TAPT1: variants seen among roughly 807,000 people sequenced by gnomAD.
TAPT1 encodes the protein transmembrane anterior posterior transformation 1.
Under a neutral mutation model 65.6 loss-of-function variants are expected in TAPT1, and 28 were observed. The observed-to-expected ratio is 0.43, with a 90% CI of 0.32 to 0.59. The LOEUF is 0.59. Among genes scored for constraint, TAPT1 ranks in the 20% least tolerant of loss-of-function variants. The probability of loss-of-function intolerance (pLI) is 0.09; values close to 1 mark genes in which losing one functional copy is unlikely to be tolerated. For synonymous variants in TAPT1, 278 were observed against 245.2 expected (o/e 1.13, Z -1.25); for missense variants, 563 against 679.9 (o/e 0.83, Z 1.91).
At chr4:16,166,818 A>G (rs747995834) in intron 12 of TAPT1, 25 bp from the exon 13 acceptor site, 47 of 1,609,940 alleles carry the variant, frequency 2.9e-5, no homozygotes, top group Non-Finnish European at 4.0e-5. Flanking sequence ...AAAACAAACC[A>G]CATCCGTTGG....
At chr4:16,184,973 T>A (rs1319067638) in intron 7 of TAPT1, among the ~76,000 whole-genome samples, 1 of 152,182 alleles carries the variant, frequency 6.6e-6, no homozygotes, top group Non-Finnish European at 1.5e-5. Context: ...TTTGAAGAAG[T>A]CCAGTTTCTC....
At chr4:16,223,284 C>G (rs73798883) in intron 1 of TAPT1, among the ~76,000 whole-genome samples, 23,601 of 152,170 alleles carry the variant, frequency 0.16, 3,430 homozygotes, top group African/African-American at 0.39. Flanking sequence ...ACTCTCCTAC[C>G]TAGGACTTCT....
intron 2 of TAPT1, among the ~76,000 whole-genome samples, chr4:16,212,735 T>C (rs1750718185): frequency 6.6e-6 from 1 of 152,254 alleles, no homozygotes; most frequent in African/African-American, 2.4e-5. Flanking sequence ...TGTTCTCTAA[T>C]CTTTGCTTGC....
At chr4:16,167,167 A>G (rs1159805073) in intron 12 of TAPT1, among the ~76,000 whole-genome samples, 1 of 151,720 alleles carries the variant, frequency 6.6e-6, no homozygotes, top group African/African-American at 2.4e-5. Flanking sequence ...CTATTTTTGT[A>G]TTTTTAGTAG....
intron 8 of TAPT1, 185 bp from the exon 9 acceptor site, chr4:16,176,413 T>C (rs1748327585): frequency 7.4e-6 from 3 of 404,090 alleles, no homozygotes; most frequent in Non-Finnish European, 1.3e-5. Context: ...GATACTTCAT[T>C]CAACAAACGT....
At chr4:16,226,551 C>G (rs2108908629), upstream of TAPT1, 1 of 802,502 alleles carries the variant, frequency 1.2e-6, no homozygotes, top group Non-Finnish European at 1.5e-6. Context: ...CGCCGGAGCC[C>G]GAGCCGCCGC....
chr4:16,180,749 C>A (rs1054329048), intron 7 of TAPT1, among the ~76,000 whole-genome samples: 7 of 152,228 alleles, frequency 4.6e-5, no homozygotes, highest in Non-Finnish European at 1.0e-4. Flanking sequence ...ACCTTCCCTA[C>A]ATCCTTAAGC....
In TAPT1 at chr4:16,188,353, T is replaced by C. The variant is rs527415645; in HGVS notation, c.615A>G (p.Val205=). ...CAAAAGATGAAAACAGACGATCAGC[T>C]ACCTAAAAAAAAAAATTATTTGTAA... ...KLYIIYNMLE[V]ADRLFSSFGQ... is the part of the protein sequence containing the mutation. Residue 205 remains valine (V), a splice_region_variant and synonymous_variant, in exon 5 of 14, where the codon GTA becomes GTG. Coordinates refer to ENST00000405303, the MANE Select transcript of TAPT1 (RefSeq NM_153365.3). 5.1e-6 allele frequency: 8 copies of C among 1,567,268 alleles called. No homozygotes were observed. In the East Asian group the frequency reaches 9.0e-5, roughly 18 times the overall value.
intron 8 of TAPT1, among the ~76,000 whole-genome samples, chr4:16,178,348 T>C (rs1022557895): frequency 6.6e-6 from 1 of 152,232 alleles, no homozygotes; most frequent in Non-Finnish European, 1.5e-5. Context: ...TCATTTTATA[T>C]GTTTTTGATT....
chr4:16,166,407 G>C (rs1455166720), intron 13 of TAPT1, among the ~76,000 whole-genome samples: 1 of 152,236 alleles, frequency 6.6e-6, no homozygotes, highest in Non-Finnish European at 1.5e-5. Flanking sequence ...ATCCACTGGA[G>C]CTGATGTGTC....
At chr4:16,226,061 G>C (rs1476459418) in intron 1 of TAPT1, 198 bp downstream of exon 1, 9 of 1,015,002 alleles carry the variant, frequency 8.9e-6, no homozygotes, top group Non-Finnish European at 1.1e-5. Context: ...GGGGCTGCGC[G>C]CGCAACCCGC....
At chr4:16,207,303 T>TA (rs1750405373) in intron 2 of TAPT1, among the ~76,000 whole-genome samples, 1 of 152,242 alleles carries the variant, frequency 6.6e-6, no homozygotes, top group Non-Finnish European at 1.5e-5. Flanking sequence ...ATCCCAGGAC[T>TA]GTTTTACTGA....
chr4:16,226,934 A>T, upstream of TAPT1: 1 of 392,894 alleles, frequency 2.5e-6, no homozygotes, highest in South Asian at 1.8e-5. Flanking sequence ...CCTCTTTTGC[A>T]GACTCGGTGC....
At chr4:16,187,586 C>T (rs1195213745) in intron 5 of TAPT1, among the ~76,000 whole-genome samples, 1 of 151,436 alleles carries the variant, frequency 6.6e-6, no homozygotes, top group Non-Finnish European at 1.5e-5. Flanking sequence ...TTTCAAGTGT[C>T]ACTGTTACAG....
chr4:16,213,387 T>C (rs1436850023), intron 2 of TAPT1, among the ~76,000 whole-genome samples: 2 of 152,174 alleles, frequency 1.3e-5, no homozygotes, highest in Non-Finnish European at 2.9e-5. Context: ...AACTGAAACC[T>C]TTAAAAAGGC....
intron 9 of TAPT1, 136 bp downstream of exon 9, chr4:16,175,983 A>C (rs1748299380): frequency 1.8e-6 from 1 of 555,158 alleles, no homozygotes; most frequent in Non-Finnish European, 3.1e-6. Flanking sequence ...TACTTTCAAT[A>C]GTGTAATAAT....
In TAPT1 at chr4:16,226,144, C is replaced by T. The variant is rs1477505296; in HGVS notation, c.199+115G>A. On this transcript the variant is annotated intron_variant, in intron 1 of 13. Coordinates refer to ENST00000405303, the MANE Select transcript of TAPT1 (RefSeq NM_153365.3). ...CGCGCGCCCACAGCCTGGGGAGCCC[C>T]GGGAGGCAACGGCAGCCGCGCGGCT... is the stretch of plus-strand genomic sequence containing the variant. 5 of 917,906 alleles carry T rather than the reference C, an allele frequency of 5.4e-6. No homozygotes were observed. The South Asian group carries it at 2.7e-4, about 49-fold the overall frequency. The allele number at this position is 917,906 out of a possible 1,614,324, so 56.9% of individuals were successfully genotyped here. A position where few individuals can be genotyped will look rare whatever the true frequency, so the allele number is the denominator to read the frequency against.
intron 3 of TAPT1, 124 bp downstream of exon 3, chr4:16,202,337 AG>A (rs1415330497): frequency 6.0e-6 from 3 of 500,320 alleles, no homozygotes; most frequent in Non-Finnish European, 7.2e-6. Flanking sequence ...AAAGGTAAAC[AG>A]TTTATGCATG....
At chr4:16,186,161 G>T (rs755486550) in intron 7 of TAPT1, among the ~76,000 whole-genome samples, 1 of 152,198 alleles carries the variant, frequency 6.6e-6, no homozygotes, top group African/African-American at 2.4e-5. Context: ...TAAGGACTTA[G>T]AGACAATCTG....
Sources: gnomAD v4.1 joint callset for allele counts (sites outside exome capture counted in the v4.1 genomes callset) on GRCh38, gnomAD v4.1.1 for gene constraint, MANE v1.5 for transcripts, NCBI Gene and HGNC (gene_info 2026-07-23, HGNC 2026-07-21) for gene names.